SPG11: variants seen among roughly 807,000 people sequenced by gnomAD.
SPG11 encodes spatacsin.
In SPG11, 222 loss-of-function variants were observed where a neutral mutation model predicts 274.0. The observed-to-expected ratio is 0.81, with a 90% CI of 0.73 to 0.91. SPG11 has a LOEUF of 0.91. Ranked by LOEUF, SPG11 falls within the 40% of genes least tolerant of loss-of-function variation. The probability of loss-of-function intolerance (pLI) is 0.00; values close to 1 mark genes in which losing one functional copy is unlikely to be tolerated. For missense variants in SPG11, 3,114 were observed against 2,872.7 expected, an observed-to-expected ratio of 1.08 and a Z score of -1.92; for synonymous variants, 1,144 against 1,039.7, an observed-to-expected ratio of 1.10 and a Z score of -1.93.
At chr15:44,636,084 T>G (rs112933922) in intron 7 of SPG11, among the ~76,000 whole-genome samples, 2,579 of 152,052 alleles carry the variant, frequency 0.017, 43 homozygotes, top group Middle Eastern at 0.031. Flanking sequence ...AATCTACAGG[T>G]CATGGTGAGC....
In SPG11 at chr15:44,658,845, T is replaced by C. The variant is rs140282876; in HGVS notation, c.667+234A>G. On this transcript the variant is annotated intron_variant, in intron 3 of 39. Coordinates refer to ENST00000261866, the MANE Select transcript of SPG11 (RefSeq NM_025137.4). ...ATACAATTTTAAAAGAACACAGATA[T>C]GTATGGTTAATACTATTAAAAATGT... Among the ~76,000 whole-genome samples, 1,091 of 152,326 alleles carry C rather than the reference T, an allele frequency of 7.2e-3. 17 individuals carry two copies. The highest frequency in any genetic ancestry group is 0.025 in the African/African-American group (1,031 of 41,568).
Position 44,622,756 on chromosome 15 carries a change from G to T in SPG11, c.2288C>A (p.Thr763Lys), listed in dbSNP as rs1194065194. The T allele has an allele frequency of 6.2e-7, 1 of 1,613,636 alleles. No individual in the cohort carries two copies. Among genetic ancestry groups the T allele is most frequent in the East Asian group, 2.2e-5 (1 of 44,800 alleles). ...KGQLLKICFY[T>K]TNKNIRDFLV... ...AAAGTCACGTATATTTTTATTAGTT[G>T]TATAGAAGCAGATCTTGAGCAATTG... Residue 763 changes from threonine (T) to lysine (K), a missense_variant, in exon 12 of 40, where the codon ACA (threonine) becomes AAA (lysine). Thr to Lys is a moderately conservative substitution (Grantham distance 78). Transcript: ENST00000261866.
chr15:44,569,312 C>G, intron 35 of SPG11, 86 bp downstream of exon 35: 1 of 1,006,584 alleles, frequency 9.9e-7, no homozygotes, highest in Non-Finnish European at 1.5e-6. Flanking sequence ...AGAGTCTACC[C>G]TGACTGAGAT....
In SPG11 at chr15:44,600,368, T is replaced by A. The variant is rs1361662911; in HGVS notation, c.3686+99A>T. 8.0e-6 allele frequency: 11 copies of A among 1,367,776 alleles called. No homozygotes were observed. The East Asian group carries it at 1.8e-4, about 23-fold the overall frequency. The allele number at this position is 1,367,776 out of a possible 1,614,324, so 84.7% of individuals were successfully genotyped here. ...GGCATGACCATAGCTCACTGCTTCCTTGAACTCCTGGGCTCAAGTGATCCT... is the reference window on the plus strand; with the variant it reads ...GGCATGACCATAGCTCACTGCTTCCATGAACTCCTGGGCTCAAGTGATCCT... On this transcript the variant is annotated intron_variant, in intron 21 of 39. Transcript: ENST00000261866.
chr15:44,646,997 A>T (rs2084630027), intron 7 of SPG11, among the ~76,000 whole-genome samples: 1 of 152,220 alleles, frequency 6.6e-6, no homozygotes, highest in East Asian at 1.9e-4. Context: ...AAAATTTTAA[A>T]AAGGTGAAAT....
At position 44,584,062 on chromosome 15, in the gene SPG11, T is replaced by C. The variant is rs1005732347; in HGVS notation, c.5618A>G (p.Lys1873Arg). 2.5e-6 allele frequency: 4 copies of C among 1,614,134 alleles called. No individual in the cohort carries two copies. The highest frequency in any genetic ancestry group is 2.7e-5 in the African/African-American group (2 of 74,946). The change falls in exon 30 of 40, where the codon AAA (lysine) becomes AGA (arginine). Residue 1873 changes from lysine to arginine, a missense_variant. Lys to Arg is a conservative substitution (Grantham distance 26). Transcript: ENST00000261866. ...CAAAAAGTTTAGTGACTCCTGCTCTTTCCAATCCAATCTATTCTCGCATGT... is the reference window on the plus strand; with the variant it reads ...CAAAAAGTTTAGTGACTCCTGCTCTCTCCAATCCAATCTATTCTCGCATGT... ...KETCENRLDW[K>R]EQESLNFLIG...
intron 35 of SPG11, among the ~76,000 whole-genome samples, chr15:44,568,768 A>G (rs1278608411): frequency 6.6e-6 from 1 of 152,194 alleles, no homozygotes; most frequent in African/African-American, 2.4e-5. Flanking sequence ...GAGCTAGACA[A>G]TCCACTTTCA....
Position 44,633,721 on chromosome 15 carries a change from G to T in SPG11, c.1603-84C>A, listed in dbSNP as rs1170729466. On this transcript the variant is annotated intron_variant, in intron 7 of 39. Transcript: ENST00000261866. The stretch of plus-strand genomic sequence containing the variant: ...GATTCAGATTTTTAAACAAACTTTA[G>T]AATTTAATGTGGTGAGACTACAGGA... 5 of 1,439,348 alleles carry T rather than the reference G, an allele frequency of 3.5e-6. No homozygotes were observed. In the African/African-American group the frequency reaches 5.6e-5, roughly 16 times the overall value. The allele number at this position is 1,439,348 out of a possible 1,614,324, so 89.2% of individuals were successfully genotyped here.
chr15:44,662,194 C>T (rs974205156), intron 1 of SPG11, among the ~76,000 whole-genome samples: 1 of 152,080 alleles, frequency 6.6e-6, no homozygotes, highest in African/African-American at 2.4e-5. Context: ...ATTCCTCTTT[C>T]GAGCAACTAG....
At chr15:44,645,921 C>T (rs572900825) in intron 7 of SPG11, among the ~76,000 whole-genome samples, 11 of 152,114 alleles carry the variant, frequency 7.2e-5, no homozygotes, top group African/African-American at 1.7e-4. Context: ...AAATCAAAAT[C>T]GCAATGAGAT....
intron 3 of SPG11, 52 bp downstream of exon 3, chr15:44,659,027 T>C (rs1422081419): frequency 1.9e-5 from 30 of 1,550,442 alleles, no homozygotes; most frequent in African/African-American, 4.1e-5. Context: ...CTCATCTTTA[T>C]AGGTGTTCTT....
intron 23 of SPG11, 75 bp from the exon 24 acceptor site, chr15:44,597,018 T>G: frequency 7.1e-7 from 1 of 1,415,130 alleles, no homozygotes; most frequent in African/African-American, 1.4e-5. Flanking sequence ...TAGCTTGAAC[T>G]GGAAAATGAG....
At chr15:44,593,043 A>G (rs760547285) in intron 26 of SPG11, among the ~76,000 whole-genome samples, 3 of 152,006 alleles carry the variant, frequency 2.0e-5, no homozygotes, top group Non-Finnish European at 2.9e-5. Flanking sequence ...CATGTACGTT[A>G]AAGTTAAATA....
chr15:44,643,035 C>T (rs757843696), intron 7 of SPG11, among the ~76,000 whole-genome samples: 1 of 152,146 alleles, frequency 6.6e-6, no homozygotes, highest in Non-Finnish European at 1.5e-5. Flanking sequence ...ATTGTTATCA[C>T]TTAAAATATA....
intron 19 of SPG11, among the ~76,000 whole-genome samples, chr15:44,606,424 A>C (rs1313594014): frequency 6.6e-6 from 1 of 152,200 alleles, no homozygotes; most frequent in Non-Finnish European, 1.5e-5. Context: ...AAAAAGCAAG[A>C]GGGCTAAAAG....
At chr15:44,565,724 G>C in intron 38 of SPG11, 130 bp downstream of exon 38, 1 of 1,154,366 alleles carries the variant, frequency 8.7e-7, no homozygotes, top group Non-Finnish European at 1.3e-6. Context: ...GTTGGTATCA[G>C]AGAGTTAAAT....
At chr15:44,606,735 G>A (rs1394220229) in intron 19 of SPG11, among the ~76,000 whole-genome samples, 3 of 152,154 alleles carry the variant, frequency 2.0e-5, no homozygotes, top group Admixed American at 6.6e-5. Context: ...GCCCAAAATA[G>A]AGTAGCTTTG....
chr15:44,635,874 G>A (rs1018944723), intron 7 of SPG11, among the ~76,000 whole-genome samples: 107 of 151,138 alleles, frequency 7.1e-4, no homozygotes, highest in African/African-American at 2.5e-3. Context: ...CCGAGATTGC[G>A]CCATTGCACT....
intron 4 of SPG11, 119 bp downstream of exon 4, chr15:44,656,976 T>C (rs2084957981): frequency 2.4e-6 from 2 of 831,544 alleles, no homozygotes; most frequent in African/African-American, 1.7e-5. Context: ...AGCTAGAACA[T>C]GATCTAACTG....
Sources: allele counts gnomAD v4.1 joint callset (sites outside exome capture counted in the v4.1 genomes callset), GRCh38; gene constraint gnomAD v4.1.1; transcripts MANE v1.5; gene names NCBI Gene and HGNC (gene_info 2026-07-23, HGNC 2026-07-21).